The following PAPPA2 variants were observed in gnomAD, a reference collection of about 807,000 sequenced individuals.
PAPPA2 encodes the protein pappalysin 2, also known as pappalysin-2.
In PAPPA2, 86 loss-of-function variants were observed where a neutral mutation model predicts 176.4. That is an observed-to-expected ratio of 0.49 (90% CI 0.41 to 0.58). PAPPA2 has a LOEUF of 0.58. Among genes scored for constraint, PAPPA2 ranks in the 20% least tolerant of loss-of-function variants. The probability of loss-of-function intolerance (pLI) is 0.00; values close to 1 mark genes in which losing one functional copy is unlikely to be tolerated. For missense variants in PAPPA2, 2,073 were observed against 2,256.9 expected, an observed-to-expected ratio of 0.92 and a Z score of 1.65; for synonymous variants, 809 against 852.2, an observed-to-expected ratio of 0.95 and a Z score of 0.88.
chr1:176,512,220 G>C (rs527500395), intron 1 of PAPPA2, among the ~76,000 whole-genome samples: 6,367 of 40,650 alleles, frequency 0.16, 232 homozygotes, highest in Non-Finnish European at 0.19. Flanking sequence ...GACTAAATTT[G>C]CAAAAAAAAA....
chr1:176,633,678 A>G (rs1446127515), intron 3 of PAPPA2, among the ~76,000 whole-genome samples: 3 of 152,144 alleles, frequency 2.0e-5, no homozygotes, highest in Admixed American at 6.5e-5. Flanking sequence ...AATGGGAGAA[A>G]ATTTTTGCAA....
intron 2 of PAPPA2, among the ~76,000 whole-genome samples, chr1:176,581,985 A>G (rs1333904382): frequency 7.3e-6 from 1 of 136,894 alleles, no homozygotes; most frequent in East Asian, 2.1e-4. Context: ...GTGCAGTGGC[A>G]CAATCTCGGC....
intron 17 of PAPPA2, among the ~76,000 whole-genome samples, chr1:176,783,200 C>T (rs192151014): frequency 1.3e-5 from 2 of 152,228 alleles, no homozygotes; most frequent in Admixed American, 6.5e-5. Context: ...GTATATTTTC[C>T]TATACAATAG....
intron 6 of PAPPA2, among the ~76,000 whole-genome samples, chr1:176,695,036 C>T (rs1453395455): frequency 6.6e-6 from 1 of 152,124 alleles, no homozygotes; most frequent in Admixed American, 6.5e-5. Context: ...TAGGAGTTTG[C>T]TAAACAGAGA....
intron 15 of PAPPA2, among the ~76,000 whole-genome samples, chr1:176,768,563 T>C (rs934566179): frequency 6.6e-6 from 1 of 152,198 alleles, no homozygotes; most frequent in African/African-American, 2.4e-5. Flanking sequence ...TTTACTTTCT[T>C]TTCTGCCTTT....
At chr1:176,495,537 C>CAA (rs537075802) in intron 1 of PAPPA2, among the ~76,000 whole-genome samples, 7 of 69,908 alleles carry the variant, frequency 1.0e-4, no homozygotes, top group Non-Finnish European at 1.2e-4. Flanking sequence ...AACTCTGTTT[C>CAA]AAAAAAAAAA....
In PAPPA2 at chr1:176,594,829, G is replaced by T. The variant is rs373608384; in HGVS notation, c.1225G>T (p.Gly409Trp). Residue 409 changes from glycine (G) to tryptophan (W), a missense_variant, in exon 3 of 23, where the codon GGG (glycine) becomes TGG (tryptophan). Transcript: ENST00000367662. ...FMASCRSLLLGGDSSEDGHYF... is the reference protein window; with the variant it reads ...FMASCRSLLLWGDSSEDGHYF... ...GGCATCTTGCCGCTCTTTGCTCCTG[G>T]GGGGAGACAGCTCTGAGGATGGGCA... The T allele has an allele frequency of 6.2e-7, 1 of 1,614,070 alleles. No homozygotes were observed. The highest frequency in any genetic ancestry group is 1.3e-5 in the African/African-American group (1 of 74,932).
At position 176,699,177 on chromosome 1, in the gene PAPPA2, A is replaced by G. The variant is rs1375004300; in HGVS notation, c.2824A>G (p.Met942Val). ...TGAGGTCCACCTGTACCACATGAAC[A>G]TGACGGTCCCCTGCCCCACAGAAGG... Reference protein sequence around the residue: ...SPEVHLYHMNMTVPCPTEGCS... With the variant: ...SPEVHLYHMNVTVPCPTEGCS... The change falls in exon 8 of 23, where the codon ATG becomes GTG. Residue 942 changes from methionine (M) to valine (V), a missense_variant. By Grantham distance (21) the Met-to-Val change is conservative (BLOSUM62 1). Transcript: ENST00000367662. 2.5e-6 allele frequency: 4 copies of G among 1,613,982 alleles called. No homozygotes were observed. Among genetic ancestry groups the G allele is most frequent in the African/African-American group, 2.7e-5 (2 of 74,892 alleles).
intron 21 of PAPPA2, among the ~76,000 whole-genome samples, chr1:176,802,988 A>C (rs185481020): frequency 6.6e-6 from 1 of 152,354 alleles, no homozygotes. Flanking sequence ...GCAAGAACAC[A>C]CGTATGCTAC....
intron 2 of PAPPA2, among the ~76,000 whole-genome samples, chr1:176,566,232 A>C (rs1054555757): frequency 2.0e-5 from 3 of 152,140 alleles, no homozygotes; most frequent in Admixed American, 1.3e-4. Context: ...TCACAGGGTT[A>C]GATCTGGGCC....
intron 3 of PAPPA2, among the ~76,000 whole-genome samples, chr1:176,657,447 T>C (rs777694156): frequency 1.3e-5 from 2 of 151,974 alleles, no homozygotes; most frequent in Non-Finnish European, 2.9e-5. Context: ...CATGATTAGA[T>C]CTGCCATTTT....
chr1:176,547,970 T>G (rs999608220), intron 1 of PAPPA2, among the ~76,000 whole-genome samples: 8 of 152,196 alleles, frequency 5.3e-5, no homozygotes, highest in Non-Finnish European at 1.0e-4. Flanking sequence ...TCTCTTGTCT[T>G]TGTGATTCTG....
intron 6 of PAPPA2, among the ~76,000 whole-genome samples, chr1:176,694,450 G>T (rs1374280432): frequency 1.3e-5 from 2 of 152,360 alleles, no homozygotes; most frequent in East Asian, 3.9e-4. Flanking sequence ...TTTATGAAAA[G>T]CACGACACAG....
At chr1:176,619,939 C>T (rs540972742) in intron 3 of PAPPA2, among the ~76,000 whole-genome samples, 1 of 152,248 alleles carries the variant, frequency 6.6e-6, no homozygotes, top group East Asian at 1.9e-4. Flanking sequence ...ATTGAAGAAA[C>T]CACTGGATTG....
intron 3 of PAPPA2, among the ~76,000 whole-genome samples, chr1:176,639,367 C>T (rs1413519588): frequency 2.0e-5 from 3 of 152,082 alleles, no homozygotes; most frequent in African/African-American, 7.2e-5. Context: ...CATACTGGCC[C>T]TTCCATTGTG....
chr1:176,638,357 A>G (rs568279959), intron 3 of PAPPA2, among the ~76,000 whole-genome samples: 1 of 152,148 alleles, frequency 6.6e-6, no homozygotes, highest in African/African-American at 2.4e-5. Flanking sequence ...AAAATAGAAA[A>G]AGAAAAAAAA....
chr1:176,600,633 G>C (rs1185082349), intron 3 of PAPPA2, among the ~76,000 whole-genome samples: 1 of 133,534 alleles, frequency 7.5e-6, no homozygotes, highest in Admixed American at 8.3e-5. Context: ...CCGAGATCGC[G>C]CCACTGCACT....
Position 176,556,942 on chromosome 1 carries a change from A to T in PAPPA2, c.620A>T (p.Glu207Val). 1 of 1,613,586 alleles carries T rather than the reference A, an allele frequency of 6.2e-7. No homozygotes were observed. Among genetic ancestry groups the T allele is most frequent in the Non-Finnish European group, 8.5e-7 (1 of 1,179,888 alleles). The change falls in exon 2 of 23, where the codon GAA (glutamate) becomes GTA (valine). Residue 207 changes from glutamate (E) to valine (V), a missense_variant. Glu to Val is a moderately radical substitution (Grantham distance 121, BLOSUM62 -2). Coordinates refer to ENST00000367662, the MANE Select transcript of PAPPA2 (RefSeq NM_020318.3). ...QRRQVWKRRA[E>V]DGQGDSGISS... ...CGCCAAGTGTGGAAGAGGCGGGCGG[A>T]AGATGGGCAGGGAGACTCCGGTATC...
chr1:176,516,891 G>A (rs933164966), intron 1 of PAPPA2, among the ~76,000 whole-genome samples: 1 of 152,158 alleles, frequency 6.6e-6, no homozygotes. Flanking sequence ...CATTTGTGTG[G>A]ATAGTTTTTC....
Sources: gnomAD v4.1 joint callset for allele counts (sites outside exome capture counted in the v4.1 genomes callset) on GRCh38, gnomAD v4.1.1 for gene constraint, MANE v1.5 for transcripts, NCBI Gene and HGNC (gene_info 2026-07-23, HGNC 2026-07-21) for gene names.